COMMD7: variants seen among roughly 807,000 people sequenced by gnomAD.
The protein encoded by COMMD7 is COMM domain-containing protein 7.
In COMMD7, 28 loss-of-function variants were observed where a neutral mutation model predicts 34.8. That is an observed-to-expected ratio of 0.80 (90% CI 0.60 to 1.10). The LOEUF is 1.10. Among genes scored for constraint, COMMD7 ranks in the 50% least tolerant of loss-of-function variants. The pLI, the probability that COMMD7 is intolerant of heterozygous loss-of-function variation, is 0.00. For synonymous variants in COMMD7, 80 were observed against 86.4 expected (o/e 0.93, Z 0.41); for missense variants, 211 against 241.6 (o/e 0.87, Z 0.84).
At position 32,707,294 on chromosome 20, in the gene COMMD7, A is replaced by AAAAT. The variant is rs1555822524; in HGVS notation, c.242-535_242-534insATTT. 2.0e-3 allele frequency among the ~76,000 whole-genome samples: 264 copies of AAAAT among 129,188 alleles called. 1 individual carries two copies. The highest frequency in any genetic ancestry group is 7.0e-3 in the African/African-American group (251 of 35,846). 84.8% of individuals were successfully genotyped at this position (129,188 alleles called of 152,430 possible). On this transcript the variant is annotated intron_variant, in intron 3 of 8. Coordinates refer to ENST00000278980, the MANE Select transcript of COMMD7 (RefSeq NM_053041.3). ...GCGAGACTCCGTCTCAAAAAAAAAA[A>AAAAT]ATATATATATATATACTTATCTCAA...
intron 3 of COMMD7, among the ~76,000 whole-genome samples, chr20:32,714,340 A>T (rs1301089783): frequency 2.0e-5 from 3 of 152,186 alleles, no homozygotes; most frequent in Non-Finnish European, 4.4e-5. Flanking sequence ...ATAAAAAAAT[A>T]AAATAAAATA....
At chr20:32,735,796 G>A (rs1224426436) in intron 1 of COMMD7, among the ~76,000 whole-genome samples, 1 of 152,138 alleles carries the variant, frequency 6.6e-6, no homozygotes, top group East Asian at 1.9e-4. Context: ...CAGACATGCT[G>A]TACCATACCT....
At chr20:32,720,216 C>T (rs1043808152) in intron 3 of COMMD7, among the ~76,000 whole-genome samples, 11 of 152,156 alleles carry the variant, frequency 7.2e-5, no homozygotes, top group Non-Finnish European at 1.3e-4. Context: ...TGCTATACGC[C>T]GGGCACAGTG....
Position 32,703,179 on chromosome 20 carries a change from G to C in COMMD7, c.*203C>G, listed in dbSNP as rs1243434959. On this transcript the variant is annotated 3_prime_UTR_variant, in exon 9 of 9. Transcript: ENST00000278980. ...ACAGGTGGTGGTGGTTGCCCTAACA[G>C]AGAGTTTACAGGGTAATTGTGTTGG... 2.3e-6 allele frequency: 1 copy of C among 435,484 alleles called. No homozygotes were observed. The highest frequency in any genetic ancestry group is 6.1e-5 in the South Asian group (1 of 16,344). The allele number at this position is 435,484 out of a possible 1,614,324, so 27.0% of individuals were successfully genotyped here.
chr20:32,719,999 C>G (rs987518702), intron 3 of COMMD7, among the ~76,000 whole-genome samples: 1 of 152,172 alleles, frequency 6.6e-6, no homozygotes, highest in Non-Finnish European at 1.5e-5. Flanking sequence ...AGGCATTCAT[C>G]TCTTCATTCC....
intron 3 of COMMD7, among the ~76,000 whole-genome samples, chr20:32,709,529 G>C (rs968215037): frequency 6.6e-6 from 1 of 152,160 alleles, no homozygotes; most frequent in Non-Finnish European, 1.5e-5. Flanking sequence ...AAGCCTGGGC[G>C]ACAGAGCGAG....
At chr20:32,739,642 A>C (rs80289004) in intron 1 of COMMD7, among the ~76,000 whole-genome samples, 2 of 118,392 alleles carry the variant, frequency 1.7e-5, no homozygotes, top group Non-Finnish European at 3.5e-5. Flanking sequence ...AAGGCTCTGT[A>C]TCAAAAAAAA....
chr20:32,713,541 ACTC>A (rs1192948899), intron 3 of COMMD7, among the ~76,000 whole-genome samples: 12 of 151,900 alleles, frequency 7.9e-5, no homozygotes, highest in African/African-American at 2.9e-4. Context: ...CTTGGTGAAA[ACTC>A]CTGGAAGCAG....
At chr20:32,721,728 AAAAC>A (rs952792604) in intron 3 of COMMD7, among the ~76,000 whole-genome samples, 11 of 152,154 alleles carry the variant, frequency 7.2e-5, no homozygotes, top group African/African-American at 1.2e-4. Flanking sequence ...AAAAATACAA[AAAAC>A]AAACAAACAA....
chr20:32,741,150 C>CAAA (rs764073417), intron 1 of COMMD7, among the ~76,000 whole-genome samples: 2 of 90,490 alleles, frequency 2.2e-5, no homozygotes, highest in Non-Finnish European at 5.3e-5. Flanking sequence ...CTAAAACAAA[C>CAAA]AAACAAACAA....
At position 32,706,512 on chromosome 20, in the gene COMMD7, CAAAAAA is replaced by C. The variant is rs372047124; in HGVS notation, c.336+65_336+70del. 3 of 853,746 alleles carry C rather than the reference CAAAAAA, an allele frequency of 3.5e-6. No homozygotes were observed. In the African/African-American group the frequency reaches 6.3e-5, roughly 18 times the overall value. The allele number at this position is 853,746 out of a possible 1,614,324, so 52.9% of individuals were successfully genotyped here. On this transcript the variant is annotated intron_variant, in intron 5 of 8. Coordinates refer to ENST00000278980, the MANE Select transcript of COMMD7 (RefSeq NM_053041.3). ...GCCTGGACAGAATGCGACTCCATCTCAAAAAAAAAAAAAAGAAAGAAAAGCAAGGGA... is the reference window on the plus strand; with the variant it reads ...GCCTGGACAGAATGCGACTCCATCTCAAAAAAAAGAAAGAAAAGCAAGGGA...
At chr20:32,732,598 T>C (rs973204654) in intron 1 of COMMD7, among the ~76,000 whole-genome samples, 1 of 151,186 alleles carries the variant, frequency 6.6e-6, no homozygotes, top group African/African-American at 2.4e-5. Context: ...TGAGAGCCCA[T>C]CTCTACAAAT....
rs1295732255 is a variant in COMMD7, at chr20:32,703,038, G to C, written c.*344C>G. ...AGGAGGGTGATCAGCATGTTATCTT[G>C]AATGATGGCACCATTTGTTTACTCT... is the stretch of plus-strand genomic sequence containing the variant. On this transcript the variant is annotated 3_prime_UTR_variant, in exon 9 of 9. Coordinates refer to ENST00000278980, the MANE Select transcript of COMMD7 (RefSeq NM_053041.3). 1 of 209,770 alleles carries C rather than the reference G, an allele frequency of 4.8e-6. No individual in the cohort carries two copies. Among genetic ancestry groups the C allele is most frequent in the Non-Finnish European group, 9.5e-6 (1 of 104,740 alleles). 13.0% of individuals were successfully genotyped at this position (209,770 alleles called of 1,614,324 possible).
intron 3 of COMMD7, among the ~76,000 whole-genome samples, chr20:32,714,531 T>A (rs1051508287): frequency 3.3e-5 from 5 of 150,528 alleles, no homozygotes; most frequent in African/African-American, 1.2e-4. Flanking sequence ...CTACTAATAA[T>A]ACAAAAAATT....
chr20:32,718,087 TCA>T (rs1568781329), intron 3 of COMMD7, among the ~76,000 whole-genome samples: 1 of 72,960 alleles, frequency 1.4e-5, no homozygotes, highest in African/African-American at 4.2e-5. Flanking sequence ...AGACTGCCTC[TCA>T]AAAAAAAAAA....
intron 3 of COMMD7, among the ~76,000 whole-genome samples, chr20:32,717,313 C>T (rs1225234059): frequency 7.6e-6 from 1 of 131,446 alleles, no homozygotes; most frequent in East Asian, 2.1e-4. Context: ...CACCACCATG[C>T]CCAGTTAATT....
intron 1 of COMMD7, among the ~76,000 whole-genome samples, chr20:32,738,811 A>C (rs994759776): frequency 6.6e-6 from 1 of 152,024 alleles, no homozygotes; most frequent in African/African-American, 2.4e-5. Flanking sequence ...AGCTAACCGC[A>C]GCCTCCAATT....
chr20:32,709,364 C>G (rs1984283454), intron 3 of COMMD7, among the ~76,000 whole-genome samples: 1 of 150,984 alleles, frequency 6.6e-6, no homozygotes, highest in Non-Finnish European at 1.5e-5. Flanking sequence ...GACGGCACCA[C>G]TGCATTACAG....
chr20:32,716,303 T>A (rs1984773687), intron 3 of COMMD7, among the ~76,000 whole-genome samples: 2 of 152,158 alleles, frequency 1.3e-5, no homozygotes, highest in Non-Finnish European at 2.9e-5. Flanking sequence ...ATAAAGTATG[T>A]CTGATATTGC....
Sources: gnomAD v4.1 joint callset for allele counts (sites outside exome capture counted in the v4.1 genomes callset) on GRCh38, gnomAD v4.1.1 for gene constraint, MANE v1.5 for transcripts, NCBI Gene and HGNC (gene_info 2026-07-23, HGNC 2026-07-21) for gene names.